The following PCSK5 variants were observed in gnomAD, a reference collection of about 807,000 sequenced individuals.
PCSK5 encodes prohormone convertase 5.
A neutral mutation model predicts 233.2 loss-of-function variants in PCSK5; 129 were observed. The ratio of observed to expected loss-of-function variants is 0.55; its 90% CI spans 0.48 to 0.64. The LOEUF (loss-of-function observed/expected upper bound fraction) is 0.64, where lower values mean the gene tolerates loss of function less well. PCSK5 is among the 30% of genes least tolerant of loss of function. PCSK5 has a pLI of 0.00. For missense variants in PCSK5, 2,076 were observed against 2,430.1 expected, an observed-to-expected ratio of 0.85 and a Z score of 3.06; for synonymous variants, 825 against 879.2, an observed-to-expected ratio of 0.94 and a Z score of 1.09.
chr9:76,345,959 ATCAG>A, intron 35 of PCSK5, among the ~76,000 whole-genome samples: 1 of 152,088 alleles, frequency 6.6e-6, no homozygotes, highest in Non-Finnish European at 1.5e-5. Flanking sequence ...GTCTCAAGTG[ATCAG>A]TGCACGTTGG....
chr9:75,942,591 C>T (rs537598978), intron 2 of PCSK5, among the ~76,000 whole-genome samples: 22 of 152,256 alleles, frequency 1.4e-4, no homozygotes, highest in African/African-American at 4.3e-4. Flanking sequence ...TGCCAGTGCA[C>T]GGTGGCAGAA....
chr9:75,972,802 C>T (rs1369030022), intron 2 of PCSK5, among the ~76,000 whole-genome samples: 3 of 152,110 alleles, frequency 2.0e-5, no homozygotes, highest in Non-Finnish European at 4.4e-5. Context: ...TTTCTTTCCT[C>T]CTTCCCCCAC....
chr9:75,916,002 G>T (rs921584232), intron 1 of PCSK5, among the ~76,000 whole-genome samples: 1 of 152,066 alleles, frequency 6.6e-6, no homozygotes, highest in Admixed American at 6.6e-5. Flanking sequence ...TCTTCTTTGG[G>T]CTTATTTGAC....
intron 24 of PCSK5, among the ~76,000 whole-genome samples, chr9:76,252,608 T>G (rs896024515): frequency 2.0e-5 from 3 of 152,316 alleles, no homozygotes; most frequent in Admixed American, 6.5e-5. Flanking sequence ...CCCCACCACT[T>G]TACCTTCCTT....
intron 8 of PCSK5, among the ~76,000 whole-genome samples, chr9:76,106,708 T>G (rs982055287): frequency 6.6e-6 from 1 of 152,230 alleles, no homozygotes; most frequent in African/African-American, 2.4e-5. Context: ...CTATTGATTC[T>G]AGAAACAGGT....
intron 1 of PCSK5, among the ~76,000 whole-genome samples, chr9:75,922,916 TG>T (rs1823316905): frequency 6.6e-6 from 1 of 152,222 alleles, no homozygotes; most frequent in South Asian, 2.1e-4. Context: ...CAGATGTTTT[TG>T]ATTACCTGCT....
chr9:76,080,491 T>C (rs1206639121), intron 7 of PCSK5, among the ~76,000 whole-genome samples: 4 of 152,206 alleles, frequency 2.6e-5, no homozygotes, highest in Non-Finnish European at 5.9e-5. Context: ...GTGAATGAAT[T>C]TATAAATGAC....
intron 1 of PCSK5, among the ~76,000 whole-genome samples, chr9:75,924,529 G>A (rs999088936): frequency 2.0e-5 from 3 of 151,906 alleles, no homozygotes; most frequent in Admixed American, 1.3e-4. Flanking sequence ...CTTTATTGCC[G>A]GCATGGAAAC....
chr9:75,894,520 A>C (rs57366773), intron 1 of PCSK5, among the ~76,000 whole-genome samples: 2 of 152,354 alleles, frequency 1.3e-5, no homozygotes, highest in African/African-American at 4.8e-5. Context: ...ATATGTTTTC[A>C]CAAAATGTTT....
intron 8 of PCSK5, among the ~76,000 whole-genome samples, chr9:76,098,628 T>C (rs1180631590): frequency 6.6e-6 from 1 of 152,192 alleles, no homozygotes; most frequent in Non-Finnish European, 1.5e-5. Context: ...TCAAAGTAAT[T>C]ATGCCCATTT....
At chr9:75,960,026 C>T (rs1417686071) in intron 2 of PCSK5, among the ~76,000 whole-genome samples, 3 of 152,160 alleles carry the variant, frequency 2.0e-5, no homozygotes, top group Admixed American at 6.5e-5. Context: ...AGGATTCAAA[C>T]TCATGTGTCC....
intron 5 of PCSK5, among the ~76,000 whole-genome samples, chr9:76,044,800 C>T (rs1312419848): frequency 6.6e-6 from 1 of 152,102 alleles, no homozygotes; most frequent in African/African-American, 2.4e-5. Flanking sequence ...CAAAGTAATA[C>T]TTGAATTTTT....
chr9:76,045,676 A>G (rs1473676186), intron 5 of PCSK5, among the ~76,000 whole-genome samples: 1 of 152,210 alleles, frequency 6.6e-6, no homozygotes, highest in Non-Finnish European at 1.5e-5. Context: ...TCTCTTTTCT[A>G]CCCTTCACAA....
intron 5 of PCSK5, among the ~76,000 whole-genome samples, chr9:76,059,948 T>C (rs541976808): frequency 3.3e-5 from 5 of 152,316 alleles, no homozygotes; most frequent in Non-Finnish European, 5.9e-5. Context: ...TAGAACTCTG[T>C]ACCCAGTGCA....
chr9:75,902,547 G>T (rs1314046812), intron 1 of PCSK5, among the ~76,000 whole-genome samples: 3 of 152,230 alleles, frequency 2.0e-5, no homozygotes, highest in African/African-American at 7.2e-5. Flanking sequence ...ACTAGCTAGA[G>T]TTGTTCTGCT....
chr9:76,144,110 C>A (rs539462610), intron 10 of PCSK5, among the ~76,000 whole-genome samples: 1 of 152,020 alleles, frequency 6.6e-6, no homozygotes, highest in African/African-American at 2.4e-5. Flanking sequence ...ATGACTTTTC[C>A]TCCTTCCGAA....
At chr9:76,062,615 GC>G (rs1830068299) in intron 5 of PCSK5, among the ~76,000 whole-genome samples, 1 of 151,940 alleles carries the variant, frequency 6.6e-6, no homozygotes, top group Admixed American at 6.6e-5. Context: ...CTTTTTGTTT[GC>G]CATGCACAAA....
chr9:76,313,779 A>G (rs1056388094), intron 30 of PCSK5, among the ~76,000 whole-genome samples: 1 of 152,172 alleles, frequency 6.6e-6, no homozygotes, highest in African/African-American at 2.4e-5. Context: ...GGTATTTGAG[A>G]AAAGGCTTGA....
At chr9:76,012,407 C>A (rs1412166205) in intron 3 of PCSK5, among the ~76,000 whole-genome samples, 2 of 152,208 alleles carry the variant, frequency 1.3e-5, no homozygotes, top group Non-Finnish European at 2.9e-5. Flanking sequence ...CAGTGGACAT[C>A]TGACTGCAAA....
Sources: gnomAD v4.1 joint callset for allele counts (sites outside exome capture counted in the v4.1 genomes callset) on GRCh38, gnomAD v4.1.1 for gene constraint, MANE v1.5 for transcripts, NCBI Gene and HGNC (gene_info 2026-07-23, HGNC 2026-07-21) for gene names.